Variants in NEU2 observed in about 807,000 individuals in gnomAD.
The protein encoded by NEU2 is neuraminidase 2, also known as sialidase-2.
NEU2 carries 7 observed loss-of-function variants against 6.3 expected under a neutral mutation model. That is an observed-to-expected ratio of 1.12 (90% confidence interval 0.63 to 2.10). The LOEUF is 2.10. NEU2 is among the 30% of genes most tolerant of loss of function. NEU2 has a pLI of 0.00. For synonymous variants in NEU2, 208 were observed against 223.3 expected, an observed-to-expected ratio of 0.93 and a Z score of 0.61; for missense variants, 509 against 504.0, an observed-to-expected ratio of 1.01 and a Z score of -0.09.
At position 233,034,348 on chromosome 2, in the gene NEU2, C is replaced by A. The variant is rs748593843; in HGVS notation, c.434C>A (p.Ala145Glu). The change falls in exon 2 of 2, where the codon GCG becomes GAG. Residue 145 changes from alanine to glutamate, a missense_variant. Ala to Glu is a moderately radical substitution (Grantham distance 107). Coordinates refer to ENST00000233840, the MANE Select transcript of NEU2 (RefSeq NM_005383.2). The surrounding 1 kb of genome is among the most constrained non-coding windows in gnomAD (Gnocchi z 4.8). ...AGCTCCCCCAGAGACCTCACTGATG[C>A]GGCCATCGGCCCAGCCTACCGGGAG... The part of the protein sequence containing the change: ...TWSSPRDLTD[A>E]AIGPAYREWS... The A allele has an allele frequency of 9.3e-6, 15 of 1,613,774 alleles. No homozygotes were observed. Among genetic ancestry groups the A allele is most frequent in the Non-Finnish European group, 1.2e-5 (14 of 1,179,914 alleles).
Position 233,034,798 on chromosome 2 carries a change from A to G in NEU2, c.884A>G (p.Tyr295Cys), listed in dbSNP as rs772825901. 2 of 1,571,746 alleles carry G rather than the reference A, an allele frequency of 1.3e-6. No individual in the cohort carries two copies. The highest frequency in any genetic ancestry group is 1.8e-5 in the Admixed American group (1 of 55,732). The part of the protein sequence containing the change: ...GPGSPAQWLL[Y>C]THPTHSWQRA... Reference sequence around the variant, plus strand: ...GGCTCCCCAGCCCAGTGGCTGCTCTACACTCACCCCACACACTCCTGGCAG... The same window carrying G: ...GGCTCCCCAGCCCAGTGGCTGCTCTGCACTCACCCCACACACTCCTGGCAG... The change falls in exon 2 of 2, where the codon TAC becomes TGC. Residue 295 changes from tyrosine to cysteine, a missense_variant. Tyr to Cys is a radical substitution (Grantham distance 194). Coordinates refer to ENST00000233840, the MANE Select transcript of NEU2 (RefSeq NM_005383.2). This position sits in a 1 kb window ranked among gnomAD's most constrained non-coding sequence, Gnocchi z 4.8.
In NEU2 at chr2:233,034,536, C is replaced by T. The variant is rs779779448; in HGVS notation, c.622C>T (p.Arg208Ter). 1.7e-5 allele frequency: 28 copies of T among 1,613,944 alleles called. No homozygotes were observed. Among genetic ancestry groups the T allele is most frequent in the Middle Eastern group, 1.6e-4 (1 of 6,084 alleles). Residue 208 changes from arginine (R) to a stop codon, truncating the protein, a stop_gained, in exon 2 of 2, where the codon CGA (arginine) becomes TGA (stop). Coordinates refer to ENST00000233840, the MANE Select transcript of NEU2 (RefSeq NM_005383.2). LOFTEE classifies it low-confidence loss of function (END_TRUNC). This position sits in a 1 kb window ranked among gnomAD's most constrained non-coding sequence, Gnocchi z 4.8. ...CCATGACCATGGGCGCACGTGGGCG[C>T]GAGGGCACTTTGTGGCCCAGGACAC... ...LSHDHGRTWARGHFVAQDTLE... is the reference protein window; with the variant it reads ...LSHDHGRTWA
Position 233,034,260 on chromosome 2 carries a change from C to T in NEU2, c.346C>T (p.Gln116Ter), listed in dbSNP as rs1469362154. 1 of 1,614,184 alleles carries T rather than the reference C, an allele frequency of 6.2e-7. No individual in the cohort carries two copies. Among genetic ancestry groups the T allele is most frequent in the Admixed American group, 1.7e-5 (1 of 60,022 alleles). ...GCAAGTCACGGAGCAACAGCAGCTGCAGACCAGGGCCAATGTGACGCGGCT... is the reference window on the plus strand; with the variant it reads ...GCAAGTCACGGAGCAACAGCAGCTGTAGACCAGGGCCAATGTGACGCGGCT... ...PGQVTEQQQL[Q>*]TRANVTRLCQ... Residue 116 changes from glutamine (Q) to a stop codon, truncating the protein, a stop_gained, in exon 2 of 2, where the codon CAG becomes TAG. Transcript: ENST00000233840. LOFTEE classifies it low-confidence loss of function (END_TRUNC). The surrounding 1 kb of genome is among the most constrained non-coding windows in gnomAD (Gnocchi z 4.8).
Position 233,034,621 on chromosome 2 carries a change from C to T in NEU2, c.707C>T (p.Ala236Val), listed in dbSNP as rs562872555. ...TGEQRVVTLN[A>V]RSHLRARVQA... Reference sequence around the variant, plus strand: ...GAGCAGAGGGTGGTGACCCTCAACGCGAGAAGCCACCTCCGAGCCAGGGTC... The same window carrying T: ...GAGCAGAGGGTGGTGACCCTCAACGTGAGAAGCCACCTCCGAGCCAGGGTC... The change falls in exon 2 of 2, where the codon GCG (alanine) becomes GTG (valine). Residue 236 changes from alanine (A) to valine (V), a missense_variant. Physicochemically the swap from Ala to Val is moderately conservative, Grantham distance 64. Transcript: ENST00000233840. The surrounding 1 kb of genome is among the most constrained non-coding windows in gnomAD (Gnocchi z 4.8). The T allele has an allele frequency of 1.6e-4, 260 of 1,608,514 alleles. No individual in the cohort carries two copies. The South Asian group carries it at 2.2e-3, about 14-fold the overall frequency.
rs759000439 is a variant in NEU2, at chr2:233,034,244, G to A, written c.330G>A (p.Thr110=). 44 of 1,614,048 alleles carry A rather than the reference G, an allele frequency of 2.7e-5. No individual in the cohort carries two copies. Among genetic ancestry groups the A allele is most frequent in the East Asian group, 1.3e-4 (6 of 44,896 alleles). Residue 110 remains threonine (T), a synonymous_variant, in exon 2 of 2, where the codon ACG becomes ACA. Coordinates refer to ENST00000233840, the MANE Select transcript of NEU2 (RefSeq NM_005383.2). This position sits in a 1 kb window ranked among gnomAD's most constrained non-coding sequence, Gnocchi z 4.8. ...LFFIAIPGQV[T]EQQQLQTRAN... Reference sequence around the variant, plus strand: ...TCATTGCCATCCCTGGGCAAGTCACGGAGCAACAGCAGCTGCAGACCAGGG... The same window carrying A: ...TCATTGCCATCCCTGGGCAAGTCACAGAGCAACAGCAGCTGCAGACCAGGG...
chr2:233,034,940 C>T lies in NEU2; in HGVS notation c.1026C>T (p.Thr342=), dbSNP rs774225717. 61 of 1,614,038 alleles carry T rather than the reference C, an allele frequency of 3.8e-5. No individual in the cohort carries two copies. Among genetic ancestry groups the T allele is most frequent in the Non-Finnish European group, 3.4e-5 (40 of 1,180,014 alleles). Reference sequence around the variant, plus strand: ...ACTCAGACCTCCAGAGCATGGGCACCGGCCCTGATGGGTCCCCCTTGTTTG... The same window carrying T: ...ACTCAGACCTCCAGAGCATGGGCACTGGCCCTGATGGGTCCCCCTTGTTTG... ...CAYSDLQSMG[T]GPDGSPLFGC... is the part of the protein sequence containing the mutation. Residue 342 remains threonine, a synonymous_variant, in exon 2 of 2, where the codon ACC becomes ACT. Coordinates refer to ENST00000233840, the MANE Select transcript of NEU2 (RefSeq NM_005383.2). The surrounding 1 kb of genome is among the most constrained non-coding windows in gnomAD (Gnocchi z 4.8).
rs761515471 is a variant in NEU2 at position 233,034,777 on chromosome 2, C to T, written c.863C>T (p.Ser288Phe). Residue 288 changes from serine (S) to phenylalanine (F), a missense_variant, in exon 2 of 2, where the codon TCC (serine) becomes TTC (phenylalanine). Physicochemically the swap from Ser to Phe is radical, Grantham distance 155 (BLOSUM62 -2). Coordinates refer to ENST00000233840, the MANE Select transcript of NEU2 (RefSeq NM_005383.2). The surrounding 1 kb of genome is among the most constrained non-coding windows in gnomAD (Gnocchi z 4.8). ...SFPSPRSGPG[S>F]PAQWLLYTHP... ...CCCAGCCCCCGCTCGGGGCCTGGCT[C>T]CCCAGCCCAGTGGCTGCTCTACACT... is the stretch of plus-strand genomic sequence containing the variant. The T allele has an allele frequency of 3.2e-6, 5 of 1,541,732 alleles. No homozygotes were observed. The highest frequency in any genetic ancestry group is 2.7e-5 in the African/African-American group (2 of 72,806).
In NEU2 at chr2:233,032,789, C is replaced by A. The variant is rs757480371; in HGVS notation, c.118C>A (p.Gln40Lys). The A allele has an allele frequency of 6.2e-7, 1 of 1,614,094 alleles. No individual in the cohort carries two copies. Among genetic ancestry groups the A allele is most frequent in the African/African-American group, 1.3e-5 (1 of 74,952 alleles). ...GQQSLLAFAE[Q>K]RASKKDEHAE... ...GCAGTCCCTGCTGGCCTTCGCGGAA[C>A]AGCGGGCAAGCAAGAAGGATGAGCA... The change falls in exon 1 of 2, where the codon CAG becomes AAG. Residue 40 changes from glutamine to lysine, a missense_variant. Transcript: ENST00000233840.
intron 1 of NEU2, 124 bp downstream of exon 1, chr2:233,032,996 C>T: frequency 9.6e-7 from 1 of 1,046,870 alleles, no homozygotes; most frequent in Non-Finnish European, 1.4e-6. Flanking sequence ...TGGCTGTACT[C>T]CGGAGGAGAG....
Position 233,034,425 on chromosome 2 carries a change from G to C in NEU2, c.511G>C (p.Ala171Pro). Residue 171 changes from alanine to proline, a missense_variant, in exon 2 of 2, where the codon GCC becomes CCC. Transcript: ENST00000233840. The surrounding 1 kb of genome is among the most constrained non-coding windows in gnomAD (Gnocchi z 4.8). ...GCATTGTTTGCAGCTTCACGACAGG[G>C]CCCGGAGCCTGGTGGTGCCCGCCTA... ...PGHCLQLHDR[A>P]RSLVVPAYAY... is the part of the protein sequence containing the mutation. The C allele has an allele frequency of 6.2e-7, 1 of 1,613,990 alleles. No individual in the cohort carries two copies. Among genetic ancestry groups the C allele is most frequent in the Non-Finnish European group, 8.5e-7 (1 of 1,179,888 alleles).
In NEU2 at chr2:233,034,866, C is replaced by T; in HGVS notation, c.952C>T (p.Pro318Ser). The T allele has an allele frequency of 6.2e-7, 1 of 1,613,090 alleles. No individual in the cohort carries two copies. Among genetic ancestry groups the T allele is most frequent in the Non-Finnish European group, 8.5e-7 (1 of 1,179,374 alleles). Residue 318 changes from proline to serine, a missense_variant, in exon 2 of 2, where the codon CCT (proline) becomes TCT (serine). Physicochemically the swap from Pro to Ser is moderately conservative, Grantham distance 74. Coordinates refer to ENST00000233840, the MANE Select transcript of NEU2 (RefSeq NM_005383.2). This position sits in a 1 kb window ranked among gnomAD's most constrained non-coding sequence, Gnocchi z 4.8. ...GAYLNPRPPA[P>S]EAWSEPVLLA... ...CTACCTCAACCCGCGACCTCCAGCC[C>T]CTGAGGCCTGGTCAGAGCCGGTACT...
At position 233,034,993 on chromosome 2, in the gene NEU2, A is replaced by T; in HGVS notation, c.1079A>T (p.Glu360Val). The T allele has an allele frequency of 6.2e-7, 1 of 1,613,864 alleles. No homozygotes were observed. The highest frequency in any genetic ancestry group is 8.5e-7 in the Non-Finnish European group (1 of 1,179,858). Residue 360 changes from glutamate (E) to valine (V), a missense_variant, in exon 2 of 2, where the codon GAG becomes GTG. Transcript: ENST00000233840. This position sits in a 1 kb window ranked among gnomAD's most constrained non-coding sequence, Gnocchi z 4.8. ...TGTCTGTACGAAGCCAATGATTACG[A>T]GGAGATTGTCTTTCTCATGTTCACC... ...FGCLYEANDY[E>V]EIVFLMFTLK...
chr2:233,033,411 G>A (rs1427494720), intron 1 of NEU2, among the ~76,000 whole-genome samples: 2 of 152,188 alleles, frequency 1.3e-5, no homozygotes, highest in Non-Finnish European at 2.9e-5. Flanking sequence ...CACAGATGTG[G>A]CCTAGGCAAC....
At position 233,034,832 on chromosome 2, in the gene NEU2, C is replaced by T. The variant is rs1193625825; in HGVS notation, c.918C>T (p.Asp306=). ...CCACACACTCCTGGCAGAGGGCCGA[C>T]CTGGGTGCCTACCTCAACCCGCGAC... The part of the protein sequence containing the change: ...THPTHSWQRA[D]LGAYLNPRPP... Residue 306 remains aspartate (D), a synonymous_variant, in exon 2 of 2, where the codon GAC becomes GAT. Transcript: ENST00000233840. The surrounding 1 kb of genome is among the most constrained non-coding windows in gnomAD (Gnocchi z 4.8). 1.2e-6 allele frequency: 2 copies of T among 1,603,030 alleles called. No individual in the cohort carries two copies. Among genetic ancestry groups the T allele is most frequent in the African/African-American group, 2.7e-5 (2 of 74,754 alleles).
chr2:233,033,302 T>G (rs960143970), intron 1 of NEU2, among the ~76,000 whole-genome samples: 9 of 152,188 alleles, frequency 5.9e-5, no homozygotes, highest in African/African-American at 2.2e-4. Context: ...AAGAGTTTAA[T>G]ATTATTATCA....
At chr2:233,033,312 A>T (rs1315720754) in intron 1 of NEU2, among the ~76,000 whole-genome samples, 3 of 152,200 alleles carry the variant, frequency 2.0e-5, no homozygotes, top group Admixed American at 1.3e-4. Context: ...TATTATTATC[A>T]TTCCTTTGTG....
chr2:233,033,683 C>T (rs899605457), intron 1 of NEU2, among the ~76,000 whole-genome samples: 4 of 152,030 alleles, frequency 2.6e-5, no homozygotes, highest in Admixed American at 6.6e-5. Flanking sequence ...GAGAGGTGAC[C>T]GTCACATTCT....
In NEU2 at chr2:233,034,930, G is replaced by A; in HGVS notation, c.1016G>A (p.Ser339Asn). 1 of 1,614,172 alleles carries A rather than the reference G, an allele frequency of 6.2e-7. No homozygotes were observed. The highest frequency in any genetic ancestry group is 8.5e-7 in the Non-Finnish European group (1 of 1,180,036). The change falls in exon 2 of 2, where the codon AGC (serine) becomes AAC (asparagine). Residue 339 changes from serine to asparagine, a missense_variant. Ser to Asn is a conservative substitution (Grantham distance 46). Transcript: ENST00000233840. This position sits in a 1 kb window ranked among gnomAD's most constrained non-coding sequence, Gnocchi z 4.8. Reference protein sequence around the residue: ...KGSCAYSDLQSMGTGPDGSPL... With the variant: ...KGSCAYSDLQNMGTGPDGSPL... ...AGCTGTGCCTACTCAGACCTCCAGA[G>A]CATGGGCACCGGCCCTGATGGGTCC...
intron 1 of NEU2, among the ~76,000 whole-genome samples, chr2:233,033,810 C>T (rs185939701): frequency 1.3e-5 from 2 of 152,216 alleles, no homozygotes; most frequent in African/African-American, 4.8e-5. Context: ...GGCTCATGCA[C>T]GAGTCATCTT....
Sources: allele counts gnomAD v4.1 joint callset (sites outside exome capture counted in the v4.1 genomes callset), GRCh38; gene constraint gnomAD v4.1.1; non-coding constraint Gnocchi (gnomAD v3.1); transcripts MANE v1.5; gene names NCBI Gene and HGNC (gene_info 2026-07-23, HGNC 2026-07-21).